LDLRAD4: variants seen among roughly 807,000 people sequenced by gnomAD.
LDLRAD4 encodes low density lipoprotein receptor class A domain containing 4.
Under a neutral mutation model 17.0 loss-of-function variants are expected in LDLRAD4, and 5 were observed. That is an observed-to-expected ratio of 0.29 (90% CI 0.15 to 0.62). The LOEUF (loss-of-function observed/expected upper bound fraction) is 0.62, where lower values mean the gene tolerates loss of function less well. Among genes scored for constraint, LDLRAD4 ranks in the 20% least tolerant of loss-of-function variants. The probability of loss-of-function intolerance (pLI) is 0.84; values close to 1 mark genes in which losing one functional copy is unlikely to be tolerated. For missense variants in LDLRAD4, 340 were observed against 424.7 expected, an observed-to-expected ratio of 0.80 and a Z score of 1.75; for synonymous variants, 168 against 171.8, an observed-to-expected ratio of 0.98 and a Z score of 0.17.
intron 3 of LDLRAD4, among the ~76,000 whole-genome samples, chr18:13,439,480 C>A (rs2090885594): frequency 6.6e-6 from 1 of 152,194 alleles, no homozygotes; most frequent in South Asian, 2.1e-4. Context: ...TGCATTTTCT[C>A]CTACCAAGCG....
chr18:13,337,935 C>A (rs2082184144), intron 1 of LDLRAD4, among the ~76,000 whole-genome samples: 1 of 152,046 alleles, frequency 6.6e-6, no homozygotes, highest in African/African-American at 2.4e-5. Flanking sequence ...CAGTGGAAAG[C>A]AGTTATGGAG....
chr18:13,569,328 G>T (rs1178750298), intron 3 of LDLRAD4, among the ~76,000 whole-genome samples: 1 of 152,086 alleles, frequency 6.6e-6, no homozygotes, highest in East Asian at 1.9e-4. Flanking sequence ...GCGCTATCTG[G>T]GGAATAAAAC....
chr18:13,487,215 A>T (rs1438071611), intron 3 of LDLRAD4: 3 of 152,238 alleles, frequency 2.0e-5, no homozygotes, highest in Non-Finnish European at 4.4e-5. Flanking sequence ...CAGGAAGTGT[A>T]GCAAAAGGCA....
At chr18:13,394,539 A>G (rs1420880153) in intron 2 of LDLRAD4, among the ~76,000 whole-genome samples, 2 of 152,236 alleles carry the variant, frequency 1.3e-5, no homozygotes, top group African/African-American at 4.8e-5. Context: ...GAAACATTCC[A>G]ATTAATATTT....
At chr18:13,563,138 AT>A (rs1447654683) in intron 3 of LDLRAD4, 1 of 152,232 alleles carries the variant, frequency 6.6e-6, no homozygotes, top group Non-Finnish European at 1.5e-5. Flanking sequence ...GTCACTCTAT[AT>A]TTTTTAGTAA....
chr18:13,371,501 G>A (rs1447879735), intron 1 of LDLRAD4, among the ~76,000 whole-genome samples: 1 of 152,184 alleles, frequency 6.6e-6, no homozygotes, highest in East Asian at 1.9e-4. Context: ...GGGCGCAGTG[G>A]CTCAAACCTG....
intron 3 of LDLRAD4, among the ~76,000 whole-genome samples, chr18:13,591,525 A>G (rs2095029839): frequency 6.6e-6 from 1 of 152,146 alleles, no homozygotes; most frequent in South Asian, 2.1e-4. Flanking sequence ...AAAGAAAACA[A>G]TCAGTAGTAA....
chr18:13,414,706 C>T (rs1030260829), intron 2 of LDLRAD4, among the ~76,000 whole-genome samples: 16 of 152,226 alleles, frequency 1.1e-4, no homozygotes, highest in African/African-American at 3.9e-4. Context: ...CCTGCCCTTG[C>T]TGTCCTCAGC....
chr18:13,426,872 G>A (rs909808035), intron 2 of LDLRAD4, among the ~76,000 whole-genome samples: 3 of 152,204 alleles, frequency 2.0e-5, no homozygotes, highest in Admixed American at 6.5e-5. Flanking sequence ...CACGCCCTAT[G>A]AGGTCAGTGA....
At chr18:13,609,518 C>CGTGTGTGTGT (rs755496113) in intron 3 of LDLRAD4, among the ~76,000 whole-genome samples, 8 of 117,412 alleles carry the variant, frequency 6.8e-5, no homozygotes, top group African/African-American at 1.6e-4. Context: ...GCTCATTATG[C>CGTGTGTGTGT]GTGTGTGTGT....
At chr18:13,263,940 T>C (rs548133530) in intron 1 of LDLRAD4, among the ~76,000 whole-genome samples, 1 of 152,310 alleles carries the variant, frequency 6.6e-6, no homozygotes, top group East Asian at 1.9e-4. Context: ...CTTTAGAATA[T>C]TGGAGGAAAC....
intron 1 of LDLRAD4, among the ~76,000 whole-genome samples, chr18:13,366,472 G>A (rs2084063614): frequency 6.6e-6 from 1 of 152,166 alleles, no homozygotes; most frequent in African/African-American, 2.4e-5. Flanking sequence ...CAGATGCTCA[G>A]CTAAATTTAA....
chr18:13,398,146 C>T lies in LDLRAD4; in HGVS notation c.40+10384C>T, dbSNP rs780234793. 3.9e-5 allele frequency among the ~76,000 whole-genome samples: 6 copies of T among 152,160 alleles called. No homozygotes were observed. Among genetic ancestry groups the T allele is most frequent in the Admixed American group, 6.5e-5 (1 of 15,284 alleles). The stretch of plus-strand genomic sequence containing the variant: ...CCCACTGTGGCGTTTCCTTCAGAAC[C>T]GAGTTGGGGCAGGAGGGGACGGAGG... On this transcript the variant is annotated intron_variant, in intron 2 of 5. Coordinates refer to ENST00000359446, the Ensembl canonical transcript of LDLRAD4. The surrounding 1 kb of genome is among the most constrained non-coding windows in gnomAD (Gnocchi z 4.8).
upstream of LDLRAD4, among the ~76,000 whole-genome samples, chr18:13,275,226 C>G (rs73951942): frequency 3.7e-3 from 569 of 152,274 alleles, 6 homozygotes; most frequent in African/African-American, 0.012. Flanking sequence ...TTTGGAAATT[C>G]TCTTAGGGAG....
chr18:13,531,706 G>T (rs1224085563), intron 3 of LDLRAD4, among the ~76,000 whole-genome samples: 11 of 151,238 alleles, frequency 7.3e-5, no homozygotes, highest in Non-Finnish European at 1.5e-4. Context: ...TCAGAGATCT[G>T]CTCTTTGGGC....
At chr18:13,620,939 G>C (rs2040569308) in intron 3 of LDLRAD4, 178 bp from the exon 5 acceptor site, 1 of 859,770 alleles carries the variant, frequency 1.2e-6, no homozygotes, top group Non-Finnish European at 1.8e-6. Flanking sequence ...CCTCCCGACT[G>C]TGCCGTGGTG....
At chr18:13,615,511 T>C (rs1601725290) in intron 3 of LDLRAD4, 1 of 152,356 alleles carries the variant, frequency 6.6e-6, no homozygotes, top group East Asian at 1.9e-4. Flanking sequence ...CTCATGCCTC[T>C]AGTATGATTC....
At chr18:13,643,327 C>A in intron 4 of LDLRAD4, 32 bp from the exon 6 acceptor site, 1 of 1,410,626 alleles carries the variant, frequency 7.1e-7, no homozygotes, top group Non-Finnish European at 9.6e-7. Flanking sequence ...GTTTCTTGTT[C>A]CCCCCACTCT....
intron 3 of LDLRAD4, among the ~76,000 whole-genome samples, chr18:13,574,719 T>G (rs2094743620): frequency 6.6e-6 from 1 of 152,174 alleles, no homozygotes; most frequent in Non-Finnish European, 1.5e-5. Context: ...TGCCCCACTG[T>G]GGAGGGTATT....
Sources: gnomAD v4.1 joint callset for allele counts (sites outside exome capture counted in the v4.1 genomes callset) on GRCh38, gnomAD v4.1.1 for gene constraint, Gnocchi (gnomAD v3.1) non-coding constraint, MANE v1.5 for transcripts, NCBI Gene and HGNC (gene_info 2026-07-23, HGNC 2026-07-21) for gene names.